The following ZNF541 variants were observed in gnomAD, a reference collection of about 807,000 sequenced individuals.
The protein encoded by ZNF541 is zinc finger protein 541.
ZNF541 carries 23 observed loss-of-function variants against 123.5 expected under a neutral mutation model. That is an observed-to-expected ratio of 0.19 (90% confidence interval 0.13 to 0.26). The LOEUF (loss-of-function observed/expected upper bound fraction) is 0.26, where lower values mean the gene tolerates loss of function less well. Among genes scored for constraint, ZNF541 ranks in the 10% least tolerant of loss-of-function variants. The pLI, the probability that ZNF541 is intolerant of heterozygous loss-of-function variation, is 1.00. For synonymous variants in ZNF541, 751 were observed against 754.5 expected (o/e 1.00, Z 0.08); for missense variants, 1,612 against 1,789.9 (o/e 0.90, Z 1.79).
intron 9 of ZNF541, among the ~76,000 whole-genome samples, chr19:47,533,863 T>C (rs1409456330): frequency 1.3e-5 from 2 of 152,070 alleles, no homozygotes; most frequent in Admixed American, 1.3e-4. Context: ...AATAATCAAC[T>C]GAATATTGGT....
chr19:47,539,794 G>C lies in ZNF541; in HGVS notation c.2707C>G (p.Pro903Ala). The C allele has an allele frequency of 6.7e-7, 1 of 1,486,716 alleles. No individual in the cohort carries two copies. Among genetic ancestry groups the C allele is most frequent in the Non-Finnish European group, 8.9e-7 (1 of 1,126,528 alleles). The allele number at this position is 1,486,716 out of a possible 1,614,324, so 92.1% of individuals were successfully genotyped here. The change falls in exon 8 of 17, where the codon CCC (proline) becomes GCC (alanine). Residue 903 changes from proline (P) to alanine (A), a missense_variant. Pro to Ala is a conservative substitution (Grantham distance 27). Coordinates refer to ENST00000391901, the MANE Select transcript of ZNF541 (RefSeq NM_001277075.3). Reference sequence around the variant, plus strand: ...GGGGCTGCAGCTGTGGGGTCCAAGGGCTTCTTGGTTCCTGGGGGACTATGC... The same window carrying C: ...GGGGCTGCAGCTGTGGGGTCCAAGGCCTTCTTGGTTCCTGGGGGACTATGC... ...DRHSPPGTKK[P>A]LDPTAAAPLV...
chr19:47,555,505 T>C (rs1970780175), intron 3 of ZNF541, 45 bp downstream of exon 3: 1 of 1,475,296 alleles, frequency 6.8e-7, no homozygotes, highest in South Asian at 1.4e-5. Flanking sequence ...CCACAGAAAC[T>C]GTCGAACATC....
chr19:47,564,336 T>G (rs1971180891), intron 2 of ZNF541, among the ~76,000 whole-genome samples: 1 of 152,214 alleles, frequency 6.6e-6, no homozygotes, highest in Non-Finnish European at 1.5e-5. Flanking sequence ...ATTTACATCC[T>G]TCTCCAGACA....
Position 47,531,629 on chromosome 19 carries a change from T to G in ZNF541, c.3405+13A>C. ...CCCAGGAAAGCAGGGAGGGTCCCCT[T>G]GCTGTTCCTCACCTGAACGTTGCCC... On this transcript the variant is annotated intron_variant, in intron 12 of 16. Coordinates refer to ENST00000391901, the MANE Select transcript of ZNF541 (RefSeq NM_001277075.3). 6.6e-7 allele frequency: 1 copy of G among 1,525,406 alleles called. No homozygotes were observed. The highest frequency in any genetic ancestry group is 8.9e-7 in the Non-Finnish European group (1 of 1,127,904). 94.5% of individuals were successfully genotyped at this position (1,525,406 alleles called of 1,614,324 possible).
At chr19:47,531,531 GGCCT>G in intron 12 of ZNF541, 107 bp downstream of exon 12, 1 of 755,046 alleles carries the variant, frequency 1.3e-6, no homozygotes, top group Non-Finnish European at 2.0e-6. Context: ...GAGGATGGGC[GGCCT>G]TCTTCCAGCT....
chr19:47,540,045 A>C, intron 7 of ZNF541, 131 bp downstream of exon 7: 1 of 1,422,588 alleles, frequency 7.0e-7, no homozygotes, highest in Non-Finnish European at 9.3e-7. Context: ...CTGGAGAGCC[A>C]CACAGCCTGA....
intron 2 of ZNF541, among the ~76,000 whole-genome samples, chr19:47,564,492 G>A (rs951197503): frequency 4.6e-5 from 7 of 152,102 alleles, no homozygotes; most frequent in South Asian, 2.1e-4. Flanking sequence ...CCTGCAACCC[G>A]GCAGACATTC....
intron 14 of ZNF541, among the ~76,000 whole-genome samples, chr19:47,525,249 C>T (rs1969231243): frequency 6.6e-6 from 1 of 151,366 alleles, no homozygotes; most frequent in African/African-American, 2.4e-5. Context: ...CGCGCCACTG[C>T]ACTCCAGCCT....
chr19:47,562,029 A>G (rs2062249597), intron 2 of ZNF541, among the ~76,000 whole-genome samples: 1 of 152,186 alleles, frequency 6.6e-6, no homozygotes, highest in Non-Finnish European at 1.5e-5. Flanking sequence ...CGGGTGGATC[A>G]CCTGAGGTCA....
intron 2 of ZNF541, among the ~76,000 whole-genome samples, chr19:47,565,912 C>T (rs1971243238): frequency 6.6e-6 from 1 of 152,138 alleles, no homozygotes; most frequent in Non-Finnish European, 1.5e-5. Flanking sequence ...CGCAGTGGCT[C>T]ACGTCTGTAA....
At position 47,521,513 on chromosome 19, in the gene ZNF541, TCTCTGCACTTCC is replaced by T. The variant is rs887022315; in HGVS notation, c.3841_3852del (p.Gly1281_Glu1284del). 1.6e-5 allele frequency: 25 copies of T among 1,551,504 alleles called. No individual in the cohort carries two copies. In the African/African-American group the frequency reaches 3.4e-4, roughly 21 times the overall value. On this transcript the variant is annotated inframe_deletion, in exon 16 of 17. Coordinates refer to ENST00000391901, the MANE Select transcript of ZNF541 (RefSeq NM_001277075.3). The surrounding 1 kb of genome is among the most constrained non-coding windows in gnomAD (Gnocchi z 4.2). ...TCTCTGCATGGAAAAATGCCCTGGC[TCTCTGCACTTCC>T]CAACAGCTCGGGGGTCCGCTTGGAG...
At chr19:47,554,688 A>G (rs11878854) in intron 3 of ZNF541, among the ~76,000 whole-genome samples, 2,019 of 152,322 alleles carry the variant, frequency 0.013, 65 homozygotes, top group African/African-American at 0.046. Context: ...TGGGAAGGAA[A>G]GTCTTCAGTA....
chr19:47,540,161 G>C lies in ZNF541; in HGVS notation c.2622+15C>G. On this transcript the variant is annotated intron_variant, in intron 7 of 16. Transcript: ENST00000391901. ...AAACCCAGTAACCACCAAGCCACTGGTCGTCCCCCTTCACCTGCGGTTCCT... is the reference window on the plus strand; with the variant it reads ...AAACCCAGTAACCACCAAGCCACTGCTCGTCCCCCTTCACCTGCGGTTCCT... 5 of 1,547,132 alleles carry C rather than the reference G, an allele frequency of 3.2e-6. No individual in the cohort carries two copies. The highest frequency in any genetic ancestry group is 4.4e-6 in the Non-Finnish European group (5 of 1,145,752).
chr19:47,554,763 A>G (rs1253293586), intron 3 of ZNF541, among the ~76,000 whole-genome samples: 1 of 152,198 alleles, frequency 6.6e-6, no homozygotes, highest in East Asian at 1.9e-4. Flanking sequence ...TAAGTTTCTG[A>G]ACATTATTCC....
chr19:47,542,069 G>A (rs1469577423), intron 5 of ZNF541, among the ~76,000 whole-genome samples: 1 of 152,182 alleles, frequency 6.6e-6, no homozygotes, highest in Admixed American at 6.5e-5. Context: ...ATGCAGCTCT[G>A]CCGTTTGCCA....
At chr19:47,536,536 C>T (rs1969829714) in intron 9 of ZNF541, among the ~76,000 whole-genome samples, 1 of 152,168 alleles carries the variant, frequency 6.6e-6, no homozygotes. Flanking sequence ...CCATGCCTGG[C>T]CCACCTCAGA....
At position 47,538,263 on chromosome 19, in the gene ZNF541, G is replaced by T; in HGVS notation, c.2973C>A (p.Cys991Ter). The T allele has an allele frequency of 6.4e-7, 1 of 1,551,470 alleles. No individual in the cohort carries two copies. ...GCATTGGGGGTGGTGTGTAGGGGGA[G>T]CACTGGAATAAGCCCTTCAGGAGGC... ...VDCLLKGLFQ[C>*]SPYTPPPMLS... The change falls in exon 9 of 17, where the codon TGC becomes TGA. Residue 991 changes from cysteine to a stop codon, truncating the protein, a stop_gained. Transcript: ENST00000391901. LOFTEE classifies it high-confidence loss of function.
At chr19:47,539,125 G>C (rs1339536660) in intron 8 of ZNF541, among the ~76,000 whole-genome samples, 1 of 151,972 alleles carries the variant, frequency 6.6e-6, no homozygotes, top group African/African-American at 2.4e-5. Context: ...ACTGTCTGGG[G>C]ACAGGCCTGT....
chr19:47,522,838 C>G (rs1969102657), intron 14 of ZNF541, among the ~76,000 whole-genome samples: 1 of 151,772 alleles, frequency 6.6e-6, no homozygotes, highest in Non-Finnish European at 1.5e-5. Context: ...CCTCCGCCTC[C>G]CGGGTCCAAG....
Sources: allele counts gnomAD v4.1 joint callset (sites outside exome capture counted in the v4.1 genomes callset), GRCh38; gene constraint gnomAD v4.1.1; non-coding constraint Gnocchi (gnomAD v3.1); transcripts MANE v1.5; gene names NCBI Gene and HGNC (gene_info 2026-07-23, HGNC 2026-07-21).